CDH12: variants seen among roughly 807,000 people sequenced by gnomAD.
The protein encoded by CDH12 is cadherin-12.
A neutral mutation model predicts 74.1 loss-of-function variants in CDH12; 41 were observed. The ratio of observed to expected loss-of-function variants is 0.55; its 90% CI spans 0.43 to 0.72. The LOEUF (loss-of-function observed/expected upper bound fraction) is 0.72. Among genes scored for constraint, CDH12 ranks in the 30% least tolerant of loss-of-function variants. The pLI is 0.00. For missense variants in CDH12, 945 were observed against 977.2 expected, an observed-to-expected ratio of 0.97 and a Z score of 0.44; for synonymous variants, 399 against 355.0, an observed-to-expected ratio of 1.12 and a Z score of -1.39.
chr5:21,798,177 G>C (rs1746897095), intron 10 of CDH12, among the ~76,000 whole-genome samples: 1 of 151,538 alleles, frequency 6.6e-6, no homozygotes, highest in Non-Finnish European at 1.5e-5. Context: ...AATAATGTTA[G>C]GTTAATACAT....
intron 2 of CDH12, among the ~76,000 whole-genome samples, chr5:22,452,184 A>C (rs1745071052): frequency 6.6e-6 from 1 of 151,982 alleles, no homozygotes; most frequent in Non-Finnish European, 1.5e-5. Context: ...ATTCCTATTA[A>C]AATGTTAATA....
chr5:22,571,181 T>C (rs1272907113), intron 1 of CDH12, among the ~76,000 whole-genome samples: 4 of 152,194 alleles, frequency 2.6e-5, no homozygotes, highest in African/African-American at 9.6e-5. Context: ...TATTAACCTC[T>C]GTGTGTTCAC....
chr5:22,109,913 A>G (rs191467197), intron 4 of CDH12, among the ~76,000 whole-genome samples: 50 of 152,250 alleles, frequency 3.3e-4, no homozygotes, highest in African/African-American at 1.1e-3. Context: ...GGACAGGAAA[A>G]CCGAAAGAAG....
chr5:21,871,862 C>A lies in CDH12; in HGVS notation c.527-17072G>T, dbSNP rs529708736. 1.1e-3 allele frequency among the ~76,000 whole-genome samples: 166 copies of A among 152,216 alleles called. 1 individual carries two copies. The highest frequency in any genetic ancestry group is 3.9e-3 in the African/African-American group (163 of 41,528). ...TCCTCAACTCTCACCCCTGAATATT[C>A]AAATACTGATCTGGAATTTATCTTC... On this transcript the variant is annotated intron_variant, in intron 6 of 14. Transcript: ENST00000382254.
chr5:22,005,437 CAT>C (rs1736889255), intron 5 of CDH12, among the ~76,000 whole-genome samples: 1 of 152,158 alleles, frequency 6.6e-6, no homozygotes, highest in Admixed American at 6.5e-5. Flanking sequence ...CTGCAATAAA[CAT>C]AGCAGTGCAG....
At chr5:22,803,318 C>G (rs2126424531) in intron 1 of CDH12, among the ~76,000 whole-genome samples, 1 of 152,094 alleles carries the variant, frequency 6.6e-6, no homozygotes, top group East Asian at 1.9e-4. Flanking sequence ...TAAAAATATG[C>G]ATCATGAATT....
At chr5:22,305,945 C>A (rs1290763505) in intron 3 of CDH12, among the ~76,000 whole-genome samples, 1 of 152,096 alleles carries the variant, frequency 6.6e-6, no homozygotes, top group East Asian at 1.9e-4. Flanking sequence ...TCATAAACTT[C>A]TTAAATTACA....
chr5:22,714,161 C>T (rs914546748), intron 1 of CDH12, among the ~76,000 whole-genome samples: 17 of 152,320 alleles, frequency 1.1e-4, no homozygotes, highest in African/African-American at 3.6e-4. Flanking sequence ...AAAATTGCTT[C>T]TCCTCTTGAT....
intron 2 of CDH12, among the ~76,000 whole-genome samples, chr5:22,443,079 T>G (rs896791799): frequency 6.6e-6 from 1 of 152,124 alleles, no homozygotes; most frequent in African/African-American, 2.4e-5. Context: ...TGAAGCAATG[T>G]TCTTGCTTTC....
At chr5:22,779,369 T>G (rs1747273315) in intron 1 of CDH12, among the ~76,000 whole-genome samples, 1 of 150,322 alleles carries the variant, frequency 6.7e-6, no homozygotes, top group East Asian at 2.0e-4. Flanking sequence ...TAAATGGAGA[T>G]TTTGGTCATG....
At chr5:22,390,080 T>TA (rs1209700802) in intron 3 of CDH12, among the ~76,000 whole-genome samples, 1 of 151,912 alleles carries the variant, frequency 6.6e-6, no homozygotes, top group Non-Finnish European at 1.5e-5. Flanking sequence ...ACAGATATTC[T>TA]AGCATCCTTG....
At chr5:21,988,141 A>G (rs1757592187) in intron 5 of CDH12, among the ~76,000 whole-genome samples, 1 of 152,098 alleles carries the variant, frequency 6.6e-6, no homozygotes, top group Non-Finnish European at 1.5e-5. Flanking sequence ...TCCTCCCCCC[A>G]TATAACACTA....
intron 6 of CDH12, among the ~76,000 whole-genome samples, chr5:21,935,572 A>C (rs1755039740): frequency 6.6e-6 from 1 of 152,242 alleles, no homozygotes; most frequent in South Asian, 2.1e-4. Flanking sequence ...CACTTCACAC[A>C]GTTATCCTTT....
At chr5:22,729,238 TCA>T (rs888778843) in intron 1 of CDH12, among the ~76,000 whole-genome samples, 8 of 151,772 alleles carry the variant, frequency 5.3e-5, no homozygotes, top group African/African-American at 1.9e-4. Flanking sequence ...GGTTCTCATC[TCA>T]GTTTCAGGAT....
intron 3 of CDH12, among the ~76,000 whole-genome samples, chr5:22,345,931 CT>C (rs1740090055): frequency 6.6e-6 from 1 of 151,992 alleles, no homozygotes; most frequent in African/African-American, 2.4e-5. Context: ...TAGTGAAATC[CT>C]GTCTTTACTA....
intron 2 of CDH12, among the ~76,000 whole-genome samples, chr5:22,414,461 A>G (rs1048053951): frequency 7.9e-5 from 12 of 152,114 alleles, no homozygotes; most frequent in African/African-American, 2.9e-4. Context: ...TATATGTGCC[A>G]TATTTCTATA....
chr5:22,329,425 ACTAGAATATGGCAGGGTGG>A, intron 3 of CDH12, among the ~76,000 whole-genome samples: 1 of 152,196 alleles, frequency 6.6e-6, no homozygotes, highest in Non-Finnish European at 1.5e-5. Flanking sequence ...GTTTCTAACC[ACTAGAATATGGCAGGGTGG>A]GTGGAGCAAG....
intron 1 of CDH12, among the ~76,000 whole-genome samples, chr5:22,830,681 AT>A (rs1230287137): frequency 6.6e-6 from 1 of 151,638 alleles, no homozygotes; most frequent in Non-Finnish European, 1.5e-5. Context: ...ATAATGTATC[AT>A]TTTTCAAATT....
chr5:21,991,894 G>T (rs935366509), intron 5 of CDH12, among the ~76,000 whole-genome samples: 27 of 151,894 alleles, frequency 1.8e-4, no homozygotes, highest in African/African-American at 6.5e-4. Flanking sequence ...ATATCTCATG[G>T]TCTTATATCC....
Sources: gnomAD v4.1 joint callset for allele counts (sites outside exome capture counted in the v4.1 genomes callset) on GRCh38, gnomAD v4.1.1 for gene constraint, MANE v1.5 for transcripts, NCBI Gene and HGNC (gene_info 2026-07-23, HGNC 2026-07-21) for gene names.